SUGCT: variants seen among roughly 807,000 people sequenced by gnomAD.
SUGCT encodes the protein succinyl-CoA:glutarate-CoA transferase.
A neutral mutation model predicts 55.0 loss-of-function variants in SUGCT; 41 were observed. The observed-to-expected ratio is 0.74, with a 90% CI of 0.58 to 0.97. The LOEUF (loss-of-function observed/expected upper bound fraction) is 0.97, where lower values mean the gene tolerates loss of function less well. Ranked by LOEUF, SUGCT falls within the 50% of genes least tolerant of loss-of-function variation. The pLI is 0.00. For synonymous variants in SUGCT, 187 were observed against 200.4 expected, an observed-to-expected ratio of 0.93 and a Z score of 0.56; for missense variants, 568 against 547.8, an observed-to-expected ratio of 1.04 and a Z score of -0.37.
Position 40,562,455 on chromosome 7 carries a change from C to T in SUGCT, c.1089+66069C>T, listed in dbSNP as rs146168557. Among the ~76,000 whole-genome samples the T allele has an allele frequency of 2.3e-3, 346 of 152,126 alleles. 2 individuals are homozygous for T. Among genetic ancestry groups the T allele is most frequent in the African/African-American group, 8.2e-3 (339 of 41,502 alleles). On this transcript the variant is annotated intron_variant, in intron 12 of 13. Coordinates refer to ENST00000335693, the MANE Select transcript of SUGCT (RefSeq NM_001193313.2). The stretch of plus-strand genomic sequence containing the variant: ...GCAGTTTCTTCAGTGGGGTTCGAGA[C>T]AGGCCATAAGGTGTAGATCTAATGT...
chr7:40,159,553 TAG>T (rs1784051629), intron 1 of SUGCT, among the ~76,000 whole-genome samples: 1 of 152,016 alleles, frequency 6.6e-6, no homozygotes, highest in Non-Finnish European at 1.5e-5. Flanking sequence ...CTTATTTTAG[TAG>T]AGACGAGGAT....
At chr7:40,484,102 C>T (rs1338156401) in intron 11 of SUGCT, among the ~76,000 whole-genome samples, 1 of 152,082 alleles carries the variant, frequency 6.6e-6, no homozygotes, top group Admixed American at 6.6e-5. Flanking sequence ...AAGCAACTTG[C>T]CCATGGTCAC....
chr7:40,775,651 C>CTAGTTTTAG (rs1309241033), intron 13 of SUGCT: 1 of 152,176 alleles, frequency 6.6e-6, no homozygotes, highest in African/African-American at 2.4e-5. Context: ...ATGGACATAC[C>CTAGTTTTAG]TTATGCCTTT....
intron 9 of SUGCT, among the ~76,000 whole-genome samples, chr7:40,424,831 G>C (rs1787503528): frequency 6.6e-6 from 1 of 152,084 alleles, no homozygotes; most frequent in Non-Finnish European, 1.5e-5. Context: ...TATGAGGAAA[G>C]TGTGATAATT....
intron 6 of SUGCT, among the ~76,000 whole-genome samples, chr7:40,226,898 A>G (rs890133549): frequency 6.6e-6 from 1 of 151,880 alleles, no homozygotes; most frequent in Non-Finnish European, 1.5e-5. Context: ...ACAAAAGCAA[A>G]ACTTTTGTCT....
At chr7:40,243,579 G>A (rs1584438059) in intron 7 of SUGCT, among the ~76,000 whole-genome samples, 3 of 151,998 alleles carry the variant, frequency 2.0e-5, no homozygotes, top group South Asian at 4.2e-4. Flanking sequence ...TGGGGCTTGG[G>A]AGTGTGTGTC....
intron 7 of SUGCT, among the ~76,000 whole-genome samples, chr7:40,256,265 A>C (rs890381411): frequency 1.3e-5 from 2 of 152,218 alleles, no homozygotes; most frequent in African/African-American, 4.8e-5. Flanking sequence ...GACCAGATAC[A>C]GATGAAATTT....
rs558900560 is a variant in SUGCT, at chr7:40,259,719, A to G, written c.577-14794A>G. On this transcript the variant is annotated intron_variant, in intron 7 of 13. Coordinates refer to ENST00000335693, the MANE Select transcript of SUGCT (RefSeq NM_001193313.2). The stretch of plus-strand genomic sequence containing the variant: ...CGACATTCATTTGCTCAACCCACTC[A>G]TATATCCACATTTTGTATTTTGTGT... Among the ~76,000 whole-genome samples the G allele has an allele frequency of 6.4e-4, 97 of 152,308 alleles. 1 individual carries two copies. Among genetic ancestry groups the G allele is most frequent in the Non-Finnish European group, 1.1e-3 (76 of 68,028 alleles).
chr7:40,175,206 C>T (rs1185761425), intron 1 of SUGCT, among the ~76,000 whole-genome samples: 1 of 151,828 alleles, frequency 6.6e-6, no homozygotes, highest in Non-Finnish European at 1.5e-5. Flanking sequence ...TGGTATCTTT[C>T]ACTGTAGTGC....
intron 13 of SUGCT, among the ~76,000 whole-genome samples, chr7:40,806,883 A>G (rs55764442): frequency 0.087 from 13,306 of 152,256 alleles, 674 homozygotes; most frequent in Middle Eastern, 0.17. Flanking sequence ...AGGATGCAGC[A>G]TGGTCTCCAT....
chr7:40,318,292 A>G (rs1421198958), intron 9 of SUGCT, among the ~76,000 whole-genome samples: 17 of 152,174 alleles, frequency 1.1e-4, no homozygotes, highest in Admixed American at 1.1e-3. Flanking sequence ...GGTCTCCATC[A>G]AACTTGCTCC....
chr7:40,383,456 T>G (rs921286868), intron 9 of SUGCT, among the ~76,000 whole-genome samples: 1 of 152,190 alleles, frequency 6.6e-6, no homozygotes, highest in Non-Finnish European at 1.5e-5. Context: ...CTTTATTCAG[T>G]TATTTATTTT....
chr7:40,179,314 A>G (rs991550846), intron 1 of SUGCT, among the ~76,000 whole-genome samples: 6 of 150,686 alleles, frequency 4.0e-5, no homozygotes, highest in Non-Finnish European at 5.9e-5. Flanking sequence ...TTTTTTTTTA[A>G]GACAGTTTTG....
the SUGCT span, among the ~76,000 whole-genome samples, chr7:40,953,449 A>G: frequency 0.085 from 12,997 of 152,146 alleles, 616 homozygotes; most frequent in African/African-American, 0.11. Flanking sequence ...TCTTCTTTCA[A>G]CTCATCAAAG....
intron 12 of SUGCT, among the ~76,000 whole-genome samples, chr7:40,516,622 C>G (rs1174513101): frequency 2.0e-5 from 3 of 152,078 alleles, no homozygotes; most frequent in African/African-American, 7.2e-5. Flanking sequence ...TTAAATTGTT[C>G]TGGCACCCTT....
chr7:40,247,713 A>G (rs1789999379), intron 7 of SUGCT, among the ~76,000 whole-genome samples: 1 of 151,968 alleles, frequency 6.6e-6, no homozygotes, highest in African/African-American at 2.4e-5. Flanking sequence ...CTTTGTTTTT[A>G]TTGGAGTGTT....
At chr7:40,991,221 A>G in the SUGCT span, among the ~76,000 whole-genome samples, 1 of 152,154 alleles carries the variant, frequency 6.6e-6, no homozygotes, top group Non-Finnish European at 1.5e-5. Context: ...TCAAAGGAAT[A>G]GGGAGGCCTG....
At chr7:40,639,675 A>T (rs1584186785) in intron 12 of SUGCT, among the ~76,000 whole-genome samples, 3 of 140,302 alleles carry the variant, frequency 2.1e-5, no homozygotes, top group Non-Finnish European at 3.1e-5. Flanking sequence ...ATGCCGTCTA[A>T]TTTTTTTTTT....
At chr7:40,977,622 C>T in the SUGCT span, among the ~76,000 whole-genome samples, 8 of 152,210 alleles carry the variant, frequency 5.3e-5, no homozygotes, top group East Asian at 9.7e-4. Flanking sequence ...GTGGCTGCTC[C>T]GACCAGAAAT....
Sources: gnomAD v4.1 joint callset for allele counts (sites outside exome capture counted in the v4.1 genomes callset) on GRCh38, gnomAD v4.1.1 for gene constraint, MANE v1.5 for transcripts, NCBI Gene and HGNC (gene_info 2026-07-23, HGNC 2026-07-21) for gene names.